Variants in FANCC observed in about 807,000 individuals in gnomAD.
FANCC encodes Fanconi anemia group C protein.
Under a neutral mutation model 71.3 loss-of-function variants are expected in FANCC, and 55 were observed. The ratio of observed to expected loss-of-function variants is 0.77; its 90% CI spans 0.62 to 0.97. FANCC has a LOEUF of 0.97. Among genes scored for constraint, FANCC ranks in the 50% least tolerant of loss-of-function variants. The pLI is 0.00. For missense variants in FANCC, 678 were observed against 670.9 expected, an observed-to-expected ratio of 1.01 and a Z score of -0.12; for synonymous variants, 275 against 244.9, an observed-to-expected ratio of 1.12 and a Z score of -1.15.
rs146456842 is a variant in FANCC, at chr9:95,246,550, C to T, written c.250+882G>A. Among the ~76,000 whole-genome samples, 220 of 152,204 alleles carry T rather than the reference C, an allele frequency of 1.4e-3. 1 individual carries two copies. The highest frequency in any genetic ancestry group is 5.0e-3 in the African/African-American group (207 of 41,524). On this transcript the variant is annotated intron_variant, in intron 3 of 14. Transcript: ENST00000289081. ...AATAATACAGTCAATCCAAAGCAAA[C>T]CTCAGCCATGTTCCTTGGGAGGCCC...
rs59985123 is a variant in FANCC at position 95,245,183 on chromosome 9, C to A, written c.250+2249G>T. 9.8e-3 allele frequency among the ~76,000 whole-genome samples: 1,486 copies of A among 152,270 alleles called. 20 individuals carry two copies. Among genetic ancestry groups the A allele is most frequent in the African/African-American group, 0.034 (1,394 of 41,558 alleles). On this transcript the variant is annotated intron_variant, in intron 3 of 14. Coordinates refer to ENST00000289081, the MANE Select transcript of FANCC (RefSeq NM_000136.3). ...ATGGGTACTGCTTTCAAATGAAGGT[C>A]ATTCAACAATTTCTTTTCCTTTTTC...
At chr9:95,155,957 T>C (rs1297933272) in intron 6 of FANCC, among the ~76,000 whole-genome samples, 2 of 148,666 alleles carry the variant, frequency 1.3e-5, no homozygotes, top group Non-Finnish European at 3.0e-5. Flanking sequence ...AACTCCTGGG[T>C]TCAAGCAATC....
At chr9:95,199,804 C>T (rs537716323) in intron 4 of FANCC, among the ~76,000 whole-genome samples, 307 of 152,134 alleles carry the variant, frequency 2.0e-3, no homozygotes, top group African/African-American at 7.2e-3. Flanking sequence ...TAGGTGAAAC[C>T]TTTCATACTT....
intron 1 of FANCC, among the ~76,000 whole-genome samples, chr9:95,263,686 C>A (rs1003844158): frequency 2.0e-4 from 30 of 152,228 alleles, no homozygotes; most frequent in Non-Finnish European, 3.7e-4. Context: ...CCACCGCACA[C>A]TAGTGAGCGA....
intron 5 of FANCC, among the ~76,000 whole-genome samples, chr9:95,171,586 T>C (rs913902381): frequency 2.0e-5 from 3 of 152,332 alleles, no homozygotes; most frequent in Non-Finnish European, 4.4e-5. Flanking sequence ...TTTCTCACAT[T>C]TGGCTATAAT....
chr9:95,126,843 G>A (rs1330387038), intron 8 of FANCC: 2 of 459,368 alleles, frequency 4.4e-6, no homozygotes, highest in Non-Finnish European at 8.0e-6. Flanking sequence ...AAGCTCAGGC[G>A]ATCCATAATA....
rs1827779680 is a variant in FANCC at position 95,136,878 on chromosome 9, G to A, written c.687-1376C>T. Among the ~76,000 whole-genome samples, 3 of 152,242 alleles carry A rather than the reference G, an allele frequency of 2.0e-5. No homozygotes were observed. In the South Asian group the frequency reaches 6.2e-4, roughly 32 times the overall value. ...AATTGGGGCTCCACTTCCCCTCCCT[G>A]GAGGGAGCATGAGGGGCACATGTCT... On this transcript the variant is annotated intron_variant, in intron 7 of 14. Coordinates refer to ENST00000289081, the MANE Select transcript of FANCC (RefSeq NM_000136.3).
At chr9:95,268,261 C>T (rs140170778) in intron 1 of FANCC, among the ~76,000 whole-genome samples, 1 of 152,342 alleles carries the variant, frequency 6.6e-6, no homozygotes, top group Non-Finnish European at 1.5e-5. Flanking sequence ...TCTTTGCCCA[C>T]CACACTTCTC....
At chr9:95,266,820 G>A (rs1007203442) in intron 1 of FANCC, among the ~76,000 whole-genome samples, 6 of 152,126 alleles carry the variant, frequency 3.9e-5, no homozygotes, top group African/African-American at 9.7e-5. Flanking sequence ...CATAGGAAGC[G>A]TTCTTGTGGT....
At chr9:95,250,086 G>A (rs1416189970) in intron 1 of FANCC, among the ~76,000 whole-genome samples, 1 of 152,136 alleles carries the variant, frequency 6.6e-6, no homozygotes, top group Non-Finnish European at 1.5e-5. Flanking sequence ...TACCCCTGAA[G>A]GCCATGCTAA....
chr9:95,145,255 TGGA>T (rs1252189939), intron 7 of FANCC: 7 of 152,334 alleles, frequency 4.6e-5, no homozygotes, highest in African/African-American at 4.8e-5. Flanking sequence ...TATTTGAAGA[TGGA>T]GGAGAAGATC....
chr9:95,245,846 G>A (rs1337457073), intron 3 of FANCC, among the ~76,000 whole-genome samples: 1 of 150,674 alleles, frequency 6.6e-6, no homozygotes, highest in East Asian at 2.0e-4. Flanking sequence ...GCGGTGAGCC[G>A]AGATAGTGCC....
At chr9:95,221,385 T>C (rs1306668349) in intron 4 of FANCC, among the ~76,000 whole-genome samples, 2 of 152,250 alleles carry the variant, frequency 1.3e-5, no homozygotes, top group East Asian at 1.9e-4. Flanking sequence ...AAGTAACACA[T>C]AAAACTTTTG....
chr9:95,207,237 T>G (rs1172282208), intron 4 of FANCC, among the ~76,000 whole-genome samples: 1 of 151,686 alleles, frequency 6.6e-6, no homozygotes, highest in Non-Finnish European at 1.5e-5. Flanking sequence ...CTTCTATCAC[T>G]AAAAAGGAAA....
intron 1 of FANCC, among the ~76,000 whole-genome samples, chr9:95,306,505 G>T (rs1026139760): frequency 6.6e-6 from 1 of 152,122 alleles, no homozygotes; most frequent in Non-Finnish European, 1.5e-5. Flanking sequence ...CTTGGACATC[G>T]AACTACTGGT....
At chr9:95,311,709 C>CTTTG (rs147036059) in intron 1 of FANCC, among the ~76,000 whole-genome samples, 3 of 144,592 alleles carry the variant, frequency 2.1e-5, no homozygotes, top group African/African-American at 7.7e-5. Flanking sequence ...TCCTCTGAAT[C>CTTTG]TGTGTGTGTG....
Position 95,100,724 on chromosome 9 carries a change from G to A in FANCC, c.*983C>T, listed in dbSNP as rs56059656. 116 of 227,110 alleles carry A rather than the reference G, an allele frequency of 5.1e-4. No homozygotes were observed. The highest frequency in any genetic ancestry group is 2.3e-3 in the African/African-American group (103 of 45,146). The allele number at this position is 227,110 out of a possible 1,614,324, so 14.1% of individuals were successfully genotyped here. A position where few individuals can be genotyped will look rare whatever the true frequency, so the allele number is the denominator to read the frequency against. ...CGGCTCACTACAACTCCCACCTCCC[G>A]GGTTCAAGAGATCCTCATGCCTCAG... is the stretch of plus-strand genomic sequence containing the variant. On this transcript the variant is annotated 3_prime_UTR_variant, in exon 15 of 15. Coordinates refer to ENST00000289081, the MANE Select transcript of FANCC (RefSeq NM_000136.3).
At chr9:95,184,120 CT>C (rs1306237757) in intron 4 of FANCC, among the ~76,000 whole-genome samples, 4 of 151,714 alleles carry the variant, frequency 2.6e-5, no homozygotes, top group Non-Finnish European at 1.5e-5. Context: ...TTCTCCCCCC[CT>C]TTTTTTAATG....
At chr9:95,293,237 G>C (rs1834165862) in intron 1 of FANCC, 1 of 1,612,892 alleles carries the variant, frequency 6.2e-7, no homozygotes, top group East Asian at 2.2e-5. Context: ...AAAGCCCAAA[G>C]TGGCTTTGCT....
Sources: gnomAD v4.1 joint callset for allele counts (sites outside exome capture counted in the v4.1 genomes callset) on GRCh38, gnomAD v4.1.1 for gene constraint, MANE v1.5 for transcripts, NCBI Gene and HGNC (gene_info 2026-07-23, HGNC 2026-07-21) for gene names.